The following NUBP1 variants were observed in gnomAD, a reference collection of about 807,000 sequenced individuals.
The protein encoded by NUBP1 is cytosolic Fe-S cluster assembly factor NUBP1.
Under a neutral mutation model 41.8 loss-of-function variants are expected in NUBP1, and 46 were observed. That is an observed-to-expected ratio of 1.10 (90% confidence interval 0.87 to 1.41). The LOEUF (loss-of-function observed/expected upper bound fraction) is 1.41. Ranked by LOEUF, NUBP1 falls within the 40% of genes most tolerant of loss-of-function variation. NUBP1 has a pLI of 0.00. For missense variants in NUBP1, 494 were observed against 414.0 expected (o/e 1.19, Z -1.68); for synonymous variants, 189 against 154.6 (o/e 1.22, Z -1.65).
At chr16:10,744,086 C>A in intron 2 of NUBP1, 21 bp downstream of exon 2, 1 of 1,408,398 alleles carries the variant, frequency 7.1e-7, no homozygotes, top group Non-Finnish European at 9.4e-7. Flanking sequence ...GGCAAGGCCT[C>A]AACAGGAACT....
intron 9 of NUBP1, among the ~76,000 whole-genome samples, chr16:10,762,385 G>A (rs1596467354): frequency 6.6e-6 from 1 of 152,210 alleles, no homozygotes. Flanking sequence ...GGTCTCCCAG[G>A]ATCCCAAGAG....
At chr16:10,753,100 T>C (rs1431320989) in intron 4 of NUBP1, among the ~76,000 whole-genome samples, 2 of 142,808 alleles carry the variant, frequency 1.4e-5, no homozygotes, top group Admixed American at 6.7e-5. Flanking sequence ...GGCCTGTAAA[T>C]GTTTATGTGG....
chr16:10,747,494 G>A (rs1400168518), intron 3 of NUBP1, among the ~76,000 whole-genome samples: 1 of 152,260 alleles, frequency 6.6e-6, no homozygotes, highest in African/African-American at 2.4e-5. Context: ...TATTAGCTGG[G>A]CGTGGTAGCG....
chr16:10,758,511 A>T (rs1467926556), intron 7 of NUBP1, among the ~76,000 whole-genome samples: 1 of 152,172 alleles, frequency 6.6e-6, no homozygotes. Flanking sequence ...TTTGGTCTAG[A>T]CATTTGCAGC....
In NUBP1 at chr16:10,759,455, A is replaced by G. The variant is rs1383199728; in HGVS notation, c.606+1428A>G. Among the ~76,000 whole-genome samples, 1 of 152,326 alleles carries G rather than the reference A, an allele frequency of 6.6e-6. No homozygotes were observed. The highest frequency in any genetic ancestry group is 1.9e-4 in the East Asian group (1 of 5,186). ...GTGGAGAGAAAGTGTATTTGTCCTTAGGAATGTTTTCTGTCCCATTTTTAA... is the reference window on the plus strand; with the variant it reads ...GTGGAGAGAAAGTGTATTTGTCCTTGGGAATGTTTTCTGTCCCATTTTTAA... On this transcript the variant is annotated intron_variant, in intron 7 of 10. Transcript: ENST00000283027. This position sits in a 1 kb window ranked among gnomAD's most constrained non-coding sequence, Gnocchi z 4.7.
chr16:10,758,180 T>G (rs745859066), intron 7 of NUBP1, among the ~76,000 whole-genome samples, 153 bp downstream of exon 7: 3 of 152,142 alleles, frequency 2.0e-5, no homozygotes, highest in Non-Finnish European at 4.4e-5. Flanking sequence ...AACCTCGTGT[T>G]AAAAACTTCA....
chr16:10,768,858 G>A lies in NUBP1; in HGVS notation c.905-189G>A. On this transcript the variant is annotated intron_variant, in intron 10 of 10. Transcript: ENST00000283027. This position sits in a 1 kb window ranked among gnomAD's most constrained non-coding sequence, Gnocchi z 4.3. The stretch of plus-strand genomic sequence containing the variant: ...GAGGAAGGCCGCAGCCACTGGTTAT[G>A]AGCAAGATGGGTAGTGTGAGGTATT... 3.6e-6 allele frequency: 2 copies of A among 557,658 alleles called. No homozygotes were observed. The highest frequency in any genetic ancestry group is 5.0e-5 in the South Asian group (2 of 39,794). 34.5% of individuals were successfully genotyped at this position (557,658 alleles called of 1,614,324 possible).
chr16:10,744,013 A>G lies in NUBP1; in HGVS notation c.72A>G (p.Gly24=), dbSNP rs368881487. 2.0e-5 allele frequency: 32 copies of G among 1,581,208 alleles called. No individual in the cohort carries two copies. The highest frequency in any genetic ancestry group is 2.7e-5 in the Non-Finnish European group (32 of 1,169,548). ...CGGGCAGAGGGGCTTCATGTCAGGG[A>G]TGCCCCAACCAGCGGCTGTGCGCTT... The part of the protein sequence containing the change: ...AQAGRGASCQ[G]CPNQRLCASG... The change falls in exon 2 of 11, where the codon GGA becomes GGG. Residue 24 remains glycine, a synonymous_variant. Transcript: ENST00000283027.
chr16:10,751,442 G>A (rs567218060), intron 3 of NUBP1, among the ~76,000 whole-genome samples: 7 of 152,204 alleles, frequency 4.6e-5, no homozygotes, highest in African/African-American at 7.2e-5. Flanking sequence ...TGTGGATGGC[G>A]TTTTCCCGTG....
intron 3 of NUBP1, among the ~76,000 whole-genome samples, chr16:10,748,558 C>A (rs555517375): frequency 6.6e-6 from 1 of 152,168 alleles, no homozygotes; most frequent in African/African-American, 2.4e-5. Flanking sequence ...GGGCAAGTTA[C>A]CAGGCTTACT....
chr16:10,756,817 TC>T (rs763312959), intron 6 of NUBP1, 37 bp downstream of exon 6: 4 of 1,548,120 alleles, frequency 2.6e-6, no homozygotes, highest in Non-Finnish European at 3.5e-6. Flanking sequence ...CTCACATTCT[TC>T]CACGAGCGTT....
intron 2 of NUBP1, among the ~76,000 whole-genome samples, chr16:10,745,855 G>A (rs981789439): frequency 1.3e-5 from 2 of 152,244 alleles, no homozygotes; most frequent in Admixed American, 6.5e-5. Context: ...TGGCATGTGG[G>A]AGGATAAGCT....
Position 10,761,878 on chromosome 16 carries a change from G to A in NUBP1, c.820+19G>A. ...CTCATAGGTGGGTGACCCCAGTGTG[G>A]GGCGGCACCTCACTCCTCGGTCAGC... is the stretch of plus-strand genomic sequence containing the variant. On this transcript the variant is annotated intron_variant, in intron 9 of 10. Transcript: ENST00000283027. 1.3e-6 allele frequency: 2 copies of A among 1,594,216 alleles called. No homozygotes were observed. The highest frequency in any genetic ancestry group is 1.7e-6 in the Non-Finnish European group (2 of 1,163,238).
chr16:10,743,925 G>A (rs1424699185), intron 1 of NUBP1, 36 bp from the exon 2 acceptor site: 2 of 1,583,566 alleles, frequency 1.3e-6, no homozygotes, highest in East Asian at 4.6e-5. Context: ...CGAAAGTGTC[G>A]GGAGCTGCTC....
rs2142846598 is a variant in NUBP1 at position 10,768,228 on chromosome 16, A to C, written c.904+196A>C. 1 of 463,424 alleles carries C rather than the reference A, an allele frequency of 2.2e-6. No homozygotes were observed. Among genetic ancestry groups the C allele is most frequent in the South Asian group, 3.9e-5 (1 of 25,718 alleles). The allele number at this position is 463,424 out of a possible 1,614,324, so 28.7% of individuals were successfully genotyped here. ...TGTGAATTAATTCATAGTTTAAAAA[A>C]CATGGTGAGGGTGAAATTTATGGCT... On this transcript the variant is annotated intron_variant, in intron 10 of 10. Transcript: ENST00000283027. This position sits in a 1 kb window ranked among gnomAD's most constrained non-coding sequence, Gnocchi z 4.3.
Position 10,752,886 on chromosome 16 carries a change from C to T in NUBP1, c.327+208C>T, listed in dbSNP as rs190827842. ...CCTCAGCTCACTGCAACCTCCACCTCCTGGGTTCAAGCGATTCTTGTGCTC... is the reference window on the plus strand; with the variant it reads ...CCTCAGCTCACTGCAACCTCCACCTTCTGGGTTCAAGCGATTCTTGTGCTC... On this transcript the variant is annotated intron_variant, in intron 4 of 10. Coordinates refer to ENST00000283027, the MANE Select transcript of NUBP1 (RefSeq NM_002484.4). 2.2e-3 allele frequency among the ~76,000 whole-genome samples: 336 copies of T among 151,670 alleles called. 1 individual carries two copies. Among genetic ancestry groups the T allele is most frequent in the African/African-American group, 7.9e-3 (323 of 40,970 alleles).
At position 10,757,872 on chromosome 16, in the gene NUBP1, G is replaced by T. The variant is rs1420075875; in HGVS notation, c.452-1G>T. On this transcript the variant is annotated splice_acceptor_variant, in intron 6 of 10. Transcript: ENST00000283027. LOFTEE classifies it high-confidence loss of function. The surrounding 1 kb of genome is among the most constrained non-coding windows in gnomAD (Gnocchi z 4.1). ...CATCCCCTGTGGATTCCTCTTTCTA[G>T]GCATGATCAAGCAGTTCCTCCGAGA... is the stretch of plus-strand genomic sequence containing the variant. 6.2e-7 allele frequency: 1 copy of T among 1,613,338 alleles called. No individual in the cohort carries two copies. The highest frequency in any genetic ancestry group is 1.3e-5 in the African/African-American group (1 of 74,886).
intron 7 of NUBP1, among the ~76,000 whole-genome samples, chr16:10,760,665 A>G (rs1900885397): frequency 1.3e-5 from 2 of 152,150 alleles, no homozygotes; most frequent in African/African-American, 4.8e-5. Flanking sequence ...TGAGCCCAGG[A>G]GGTCAAGGCT....
rs749368828 is a variant in NUBP1 at position 10,759,348 on chromosome 16, G to A, written c.606+1321G>A. ...GTCCACCCTGGCATCCTGCAGAGAG[G>A]GGACATGGGGACGCAAGGAGGAGCA... On this transcript the variant is annotated intron_variant, in intron 7 of 10. Transcript: ENST00000283027. This position sits in a 1 kb window ranked among gnomAD's most constrained non-coding sequence, Gnocchi z 4.7. 5.9e-5 allele frequency among the ~76,000 whole-genome samples: 9 copies of A among 152,248 alleles called. No individual in the cohort carries two copies. The highest frequency in any genetic ancestry group is 1.3e-4 in the Non-Finnish European group (9 of 68,044).
Sources: allele counts gnomAD v4.1 joint callset (sites outside exome capture counted in the v4.1 genomes callset), GRCh38; gene constraint gnomAD v4.1.1; non-coding constraint Gnocchi (gnomAD v3.1); transcripts MANE v1.5; gene names NCBI Gene and HGNC (gene_info 2026-07-23, HGNC 2026-07-21).